The following ALOX5AP variants were observed in gnomAD, a reference collection of about 807,000 sequenced individuals.
ALOX5AP encodes the protein arachidonate 5-lipoxygenase-activating protein.
In ALOX5AP, 9 loss-of-function variants were observed where a neutral mutation model predicts 18.5. That is an observed-to-expected ratio of 0.49 (90% CI 0.29 to 0.85). The LOEUF is 0.85. ALOX5AP is among the 40% of genes least tolerant of loss of function. The probability of loss-of-function intolerance (pLI) is 0.08; values close to 1 mark genes in which losing one functional copy is unlikely to be tolerated. For missense variants in ALOX5AP, 172 were observed against 202.5 expected (o/e 0.85, Z 0.91); for synonymous variants, 81 against 78.6 (o/e 1.03, Z -0.16).
Position 30,713,663 on chromosome 13 carries a change from T to C in ALOX5AP, c.-63T>C, listed in dbSNP as rs961651912. 9.1e-6 allele frequency: 11 copies of C among 1,207,330 alleles called. No individual in the cohort carries two copies. The African/African-American group carries it at 1.7e-4, about 18-fold the overall frequency. The allele number at this position is 1,207,330 out of a possible 1,614,324, so 74.8% of individuals were successfully genotyped here. A position where few individuals can be genotyped will look rare whatever the true frequency, so the allele number is the denominator to read the frequency against. On this transcript the variant is annotated 5_prime_UTR_variant, in exon 1 of 6. Transcript: ENST00000617770. ...GGACCCTGTCACATCTGGACAATTC[T>C]GCAAGAACTCTGTAGAACTGACTTC...
chr13:30,763,444 A>G lies in ALOX5AP; in HGVS notation c.324-500A>G, dbSNP rs185479246. ...GATATGAATTATTCCAGTCAGCCTC[A>G]GGAGAATAGAATGAGCCCTCAGATG... On this transcript the variant is annotated intron_variant, in intron 4 of 4. Transcript: ENST00000380490. Among the ~76,000 whole-genome samples the G allele has an allele frequency of 4.8e-4, 73 of 152,372 alleles. No individual in the cohort carries two copies. In the East Asian group the frequency reaches 0.013, roughly 28 times the overall value.
chr13:30,741,020 G>A (rs182718538), intron 1 of ALOX5AP, among the ~76,000 whole-genome samples: 13 of 151,104 alleles, frequency 8.6e-5, no homozygotes, highest in Admixed American at 5.9e-4. Flanking sequence ...GACCTCCCTC[G>A]GATGCCAAAA....
In ALOX5AP at chr13:30,764,287, C is replaced by A; in HGVS notation, c.*181C>A. The A allele has an allele frequency of 1.6e-6, 1 of 612,748 alleles. No individual in the cohort carries two copies. Among genetic ancestry groups the A allele is most frequent in the South Asian group, 2.6e-5 (1 of 37,746 alleles). The allele number at this position is 612,748 out of a possible 1,614,324, so 38.0% of individuals were successfully genotyped here. ...CAAAATGATGTCATGTCAGCTCCGC[C>A]CCTTGAACATGACCGTGGCCCCAAA... On this transcript the variant is annotated 3_prime_UTR_variant, in exon 5 of 5. Coordinates refer to ENST00000380490, the MANE Select transcript of ALOX5AP (RefSeq NM_001629.4).
At chr13:30,730,719 C>T (rs1045293610), upstream of ALOX5AP, among the ~76,000 whole-genome samples, 1 of 151,370 alleles carries the variant, frequency 6.6e-6, no homozygotes, top group Admixed American at 6.7e-5. Flanking sequence ...GCATAGTGGC[C>T]CCGTTGCCAT....
chr13:30,718,382 C>CATATATATATATATATATGCATAT (rs1555254090), intron 1 of ALOX5AP, among the ~76,000 whole-genome samples: 1 of 139,732 alleles, frequency 7.2e-6, no homozygotes, highest in East Asian at 2.1e-4. Flanking sequence ...CACAGATATG[C>CATATATATATATATATATGCATAT]ATATATATAT....
chr13:30,742,179 GATGACGC>G (rs1951771790), intron 1 of ALOX5AP, among the ~76,000 whole-genome samples: 1 of 152,130 alleles, frequency 6.6e-6, no homozygotes, highest in Non-Finnish European at 1.5e-5. Context: ...AGCCGGGCGT[GATGACGC>G]ATGCCTGTAG....
intron 2 of ALOX5AP, among the ~76,000 whole-genome samples, chr13:30,746,234 G>A (rs1353316038): frequency 6.6e-6 from 1 of 152,258 alleles, no homozygotes; most frequent in African/African-American, 2.4e-5. Context: ...AAAAGCGTAA[G>A]AGGAGAGTGG....
At chr13:30,758,563 G>A (rs1951915419) in intron 4 of ALOX5AP, among the ~76,000 whole-genome samples, 1 of 152,162 alleles carries the variant, frequency 6.6e-6, no homozygotes, top group African/African-American at 2.4e-5. Context: ...GCCCCAGTCT[G>A]AGCTTCTTCC....
intron 4 of ALOX5AP, among the ~76,000 whole-genome samples, chr13:30,762,544 G>A (rs182221302): frequency 2.6e-5 from 4 of 151,312 alleles, no homozygotes; most frequent in Non-Finnish European, 5.9e-5. Context: ...ATCTGAGATC[G>A]TGCCACTGCA....
Position 30,735,634 on chromosome 13 carries a change from T to C in ALOX5AP, c.29T>C (p.Val10Ala), listed in dbSNP as rs1951714651. Reference sequence around the variant, plus strand: ...GATCAAGAAACTGTAGGCAATGTTGTCCTGTTGGCCATCGTCACCCTCATC... The same window carrying C: ...GATCAAGAAACTGTAGGCAATGTTGCCCTGTTGGCCATCGTCACCCTCATC... MDQETVGNV[V>A]LLAIVTLISV... is the part of the protein sequence containing the mutation. Residue 10 changes from valine (V) to alanine (A), a missense_variant, in exon 1 of 5, where the codon GTC becomes GCC. Transcript: ENST00000380490. 5 of 1,614,082 alleles carry C rather than the reference T, an allele frequency of 3.1e-6. 1 individual carries two copies. In the East Asian group the frequency reaches 1.1e-4, roughly 36 times the overall value.
intron 1 of ALOX5AP, among the ~76,000 whole-genome samples, chr13:30,729,821 C>T (rs1249223962): frequency 6.6e-6 from 1 of 152,212 alleles, no homozygotes; most frequent in East Asian, 1.9e-4. Context: ...GGTGATCTGC[C>T]TGCCTCGGCC....
intron 2 of ALOX5AP, among the ~76,000 whole-genome samples, chr13:30,744,777 C>T (rs1038650984): frequency 1.3e-4 from 20 of 152,286 alleles, no homozygotes; most frequent in African/African-American, 4.3e-4. Flanking sequence ...GATGCAAATC[C>T]GAATGAATGT....
chr13:30,744,486 T>G, intron 2 of ALOX5AP: 2 of 217,254 alleles, frequency 9.2e-6, no homozygotes, highest in Non-Finnish European at 1.9e-5. Context: ...GGGTTGCTAC[T>G]GTGAACACCA....
chr13:30,731,350 C>A (rs1951679141), upstream of ALOX5AP, among the ~76,000 whole-genome samples: 1 of 151,498 alleles, frequency 6.6e-6, no homozygotes, highest in Non-Finnish European at 1.5e-5. Flanking sequence ...CTGCTCCTTG[C>A]TATGTGGGTC....
intron 3 of ALOX5AP, 110 bp from the exon 4 acceptor site, chr13:30,755,834 T>G: frequency 8.8e-6 from 9 of 1,021,376 alleles, no homozygotes; most frequent in Non-Finnish European, 1.4e-5. Context: ...TTTCCTGAAG[T>G]GCGTGTGTCT....
At chr13:30,763,027 G>A (rs112597096) in intron 4 of ALOX5AP, among the ~76,000 whole-genome samples, 4 of 152,172 alleles carry the variant, frequency 2.6e-5, no homozygotes, top group Admixed American at 6.5e-5. Context: ...ACATGTCTCC[G>A]CTAGGCATGG....
chr13:30,753,054 A>G (rs1024532752), intron 3 of ALOX5AP, among the ~76,000 whole-genome samples: 4 of 152,262 alleles, frequency 2.6e-5, no homozygotes, highest in African/African-American at 9.6e-5. Context: ...GCCTAGATAT[A>G]CAGTGATAAA....
At chr13:30,732,889 C>T (rs958849362), upstream of ALOX5AP, among the ~76,000 whole-genome samples, 2 of 152,042 alleles carry the variant, frequency 1.3e-5, no homozygotes, top group Non-Finnish European at 2.9e-5. Flanking sequence ...GGCGCGGTGG[C>T]TCACGCCTGT....
upstream of ALOX5AP, among the ~76,000 whole-genome samples, chr13:30,735,013 CGTGTGTGT>C (rs372877577): frequency 1.3e-5 from 2 of 150,432 alleles, no homozygotes; most frequent in Admixed American, 1.3e-4. Context: ...TTTGTGTGTG[CGTGTGTGT>C]GTGTGTGTGA....
Sources: gnomAD v4.1 joint callset for allele counts (sites outside exome capture counted in the v4.1 genomes callset) on GRCh38, gnomAD v4.1.1 for gene constraint, MANE v1.5 for transcripts, NCBI Gene and HGNC (gene_info 2026-07-23, HGNC 2026-07-21) for gene names.